The following CBFB variants were observed in gnomAD, a reference collection of about 807,000 sequenced individuals.
CBFB encodes core-binding factor subunit beta.
CBFB carries 9 observed loss-of-function variants against 30.4 expected under a neutral mutation model. That is an observed-to-expected ratio of 0.30 (90% confidence interval 0.18 to 0.52). The LOEUF (loss-of-function observed/expected upper bound fraction) is 0.52, where lower values mean the gene tolerates loss of function less well. CBFB is among the 20% of genes least tolerant of loss of function. The pLI is 0.97. For missense variants in CBFB, 170 were observed against 244.0 expected (o/e 0.70, Z 2.02); for synonymous variants, 94 against 84.0 (o/e 1.12, Z -0.65).
chr16:67,097,312 G>A (rs549844648), intron 5 of CBFB, among the ~76,000 whole-genome samples: 2 of 152,220 alleles, frequency 1.3e-5, no homozygotes, highest in Admixed American at 6.5e-5. Flanking sequence ...TTGGGAGGCC[G>A]AGGCGGGCAG....
chr16:67,085,616 T>G (rs137991230), intron 5 of CBFB, among the ~76,000 whole-genome samples: 2,993 of 149,572 alleles, frequency 0.02, 95 homozygotes, highest in African/African-American at 0.069. Context: ...CTCCTTGACC[T>G]CCCAAAGTGC....
At chr16:67,052,505 G>T (rs1205948267) in intron 3 of CBFB, among the ~76,000 whole-genome samples, 1 of 151,870 alleles carries the variant, frequency 6.6e-6, no homozygotes, top group Non-Finnish European at 1.5e-5. Flanking sequence ...GAGCCCAGGA[G>T]TTCAAGGCTG....
chr16:67,045,871 C>G (rs1966619076), intron 3 of CBFB, among the ~76,000 whole-genome samples: 1 of 150,884 alleles, frequency 6.6e-6, no homozygotes, highest in Non-Finnish European at 1.5e-5. Context: ...TCTTGGCTCA[C>G]TGCAACCTCC....
At chr16:67,091,628 T>C (rs944630503) in intron 5 of CBFB, among the ~76,000 whole-genome samples, 3 of 152,242 alleles carry the variant, frequency 2.0e-5, no homozygotes, top group African/African-American at 7.2e-5. Context: ...TTGCATACTT[T>C]GTAAGAACTA....
intron 3 of CBFB, among the ~76,000 whole-genome samples, chr16:67,055,323 C>T (rs2145736600): frequency 6.8e-6 from 1 of 147,606 alleles, no homozygotes; most frequent in South Asian, 2.2e-4. Flanking sequence ...CACACACACA[C>T]AGTGTATTAA....
intron 5 of CBFB, among the ~76,000 whole-genome samples, chr16:67,085,673 CTTTTTTTT>C (rs764788080): frequency 8.7e-6 from 1 of 115,440 alleles, no homozygotes; most frequent in African/African-American, 3.4e-5. Context: ...AATTTAGTAT[CTTTTTTTT>C]TTTTTTTTTT....
At chr16:67,078,175 T>C (rs767228063) in intron 4 of CBFB, among the ~76,000 whole-genome samples, 3 of 152,240 alleles carry the variant, frequency 2.0e-5, no homozygotes, top group Non-Finnish European at 4.4e-5. Context: ...TACTGGTAAT[T>C]GCTGATTGTC....
intron 3 of CBFB, among the ~76,000 whole-genome samples, chr16:67,065,846 C>A (rs1426350130): frequency 2.6e-5 from 4 of 152,148 alleles, no homozygotes; most frequent in Non-Finnish European, 5.9e-5. Context: ...ATTCACCTTA[C>A]TGTTGCCTAT....
intron 5 of CBFB, among the ~76,000 whole-genome samples, chr16:67,097,383 TA>T (rs1020017322): frequency 6.6e-6 from 1 of 151,240 alleles, no homozygotes; most frequent in Non-Finnish European, 1.5e-5. Context: ...CCATCTCTAC[TA>T]AAACTACAAA....
At chr16:67,066,292 A>G (rs1002142657) in intron 3 of CBFB, among the ~76,000 whole-genome samples, 1 of 151,454 alleles carries the variant, frequency 6.6e-6, no homozygotes, top group African/African-American at 2.4e-5. Flanking sequence ...TCACGCCTGT[A>G]ATCCTAGCAC....
intron 5 of CBFB, among the ~76,000 whole-genome samples, chr16:67,096,921 G>A (rs1316857978): frequency 1.5e-5 from 2 of 134,596 alleles, no homozygotes; most frequent in East Asian, 2.2e-4. Flanking sequence ...CAGCGACTCC[G>A]TCTCAAAAAA....
At chr16:67,048,900 G>A (rs1460727255) in intron 3 of CBFB, among the ~76,000 whole-genome samples, 10 of 120,958 alleles carry the variant, frequency 8.3e-5, no homozygotes, top group Admixed American at 3.0e-4. Context: ...AGCTCACCAC[G>A]ACCTCCACCT....
chr16:67,037,028 A>C (rs528178969), intron 3 of CBFB, among the ~76,000 whole-genome samples: 1 of 152,106 alleles, frequency 6.6e-6, no homozygotes, highest in East Asian at 1.9e-4. Flanking sequence ...CCTCCTGAGT[A>C]GCTGGGATTA....
intron 3 of CBFB, among the ~76,000 whole-genome samples, chr16:67,038,278 T>TTGTGTGTATATATATATATACACGTATA (rs1567604730): frequency 3.4e-5 from 5 of 149,046 alleles, no homozygotes; most frequent in Non-Finnish European, 7.4e-5. Flanking sequence ...TAATTTAATC[T>TTGTGTGTATATATATATATACACGTATA]TGTGTGTATA....
At chr16:67,095,893 T>C (rs1962033418) in intron 5 of CBFB, among the ~76,000 whole-genome samples, 1 of 151,710 alleles carries the variant, frequency 6.6e-6, no homozygotes, top group South Asian at 2.1e-4. Context: ...GGTTTCGCCA[T>C]GTTGGCCAGG....
chr16:67,055,503 G>A (rs372910210), intron 3 of CBFB, among the ~76,000 whole-genome samples: 19 of 150,978 alleles, frequency 1.3e-4, no homozygotes, highest in East Asian at 7.9e-4. Context: ...GTAGGTGCCC[G>A]CCACCACGCC....
At chr16:67,063,748 A>G (rs1017383563) in intron 3 of CBFB, among the ~76,000 whole-genome samples, 8 of 152,168 alleles carry the variant, frequency 5.3e-5, no homozygotes, top group Admixed American at 2.6e-4. Flanking sequence ...TATAAATTCT[A>G]TAAGTACTAT....
chr16:67,064,215 A>ATT (rs1264077649), intron 3 of CBFB, among the ~76,000 whole-genome samples: 9 of 152,008 alleles, frequency 5.9e-5, no homozygotes, highest in Non-Finnish European at 1.3e-4. Flanking sequence ...TTGTTTGTTT[A>ATT]TTTGTTTTTG....
At chr16:67,047,414 C>T (rs1289379316) in intron 3 of CBFB, among the ~76,000 whole-genome samples, 3 of 152,128 alleles carry the variant, frequency 2.0e-5, no homozygotes, top group Non-Finnish European at 4.4e-5. Flanking sequence ...AACCTTTTAC[C>T]CATGTATGCA....
Sources: allele counts gnomAD v4.1 joint callset (sites outside exome capture counted in the v4.1 genomes callset), GRCh38; gene constraint gnomAD v4.1.1; transcripts MANE v1.5; gene names NCBI Gene and HGNC (gene_info 2026-07-23, HGNC 2026-07-21).